Variants in FRAS1 observed in about 807,000 individuals in gnomAD.
FRAS1 encodes extracellular matrix organizing protein FRAS1.
A neutral mutation model predicts 435.2 loss-of-function variants in FRAS1; 290 were observed. The observed-to-expected ratio is 0.67, with a 90% confidence interval of 0.61 to 0.73. The LOEUF is 0.73. Among genes scored for constraint, FRAS1 ranks in the 30% least tolerant of loss-of-function variants. The probability of loss-of-function intolerance (pLI) is 0.00; values close to 1 mark genes in which losing one functional copy is unlikely to be tolerated. For missense variants in FRAS1, 4,860 were observed against 5,001.5 expected (o/e 0.97, Z 0.85); for synonymous variants, 1,800 against 1,851.0 (o/e 0.97, Z 0.71).
rs775217048 is a variant in FRAS1 at position 78,472,177 on chromosome 4, T to C, written c.7372-3T>C. On this transcript the variant is annotated splice_polypyrimidine_tract_variant and splice_region_variant and intron_variant, in intron 51 of 73. Transcript: ENST00000512123. ...AATTAAATTAAATGGGTTTCTATTC[T>C]AGGCAACCAACCTGATCACCAAGAA... 61 of 1,613,680 alleles carry C rather than the reference T, an allele frequency of 3.8e-5. No homozygotes were observed. Among genetic ancestry groups the C allele is most frequent in the Non-Finnish European group, 5.0e-5 (59 of 1,179,736 alleles).
intron 22 of FRAS1, among the ~76,000 whole-genome samples, chr4:78,365,520 G>T (rs552203016): frequency 1.3e-5 from 2 of 152,190 alleles, no homozygotes; most frequent in South Asian, 4.1e-4. Flanking sequence ...AAGTATAGGT[G>T]ACAAAAATAC....
At position 78,308,227 on chromosome 4, in the gene FRAS1, A is replaced by G. The variant is rs1447173618; in HGVS notation, c.1678+18A>G. 1 of 1,609,928 alleles carries G rather than the reference A, an allele frequency of 6.2e-7. No homozygotes were observed. Among genetic ancestry groups the G allele is most frequent in the Non-Finnish European group, 8.5e-7 (1 of 1,177,474 alleles). ...CTGTAGCGGTGAGTGCTGGGTTGCG[A>G]TGCTGACGTGTCCTTTCCTTTTTCT... On this transcript the variant is annotated intron_variant, in intron 15 of 73. Coordinates refer to ENST00000512123, the MANE Select transcript of FRAS1 (RefSeq NM_025074.7).
rs368179692 is a variant in FRAS1 at position 78,341,847 on chromosome 4, C to T, written c.2422+4030C>T. Reference sequence around the variant, plus strand: ...GAGTTGGACATCCCAGAGTGTCTCTCCAGCAGGAGGTTAAACGTATAAATT... The same window carrying T: ...GAGTTGGACATCCCAGAGTGTCTCTTCAGCAGGAGGTTAAACGTATAAATT... On this transcript the variant is annotated intron_variant, in intron 20 of 73. Coordinates refer to ENST00000512123, the MANE Select transcript of FRAS1 (RefSeq NM_025074.7). 3.4e-3 allele frequency among the ~76,000 whole-genome samples: 522 copies of T among 152,196 alleles called. 3 individuals carry two copies. Among genetic ancestry groups the T allele is most frequent in the African/African-American group, 0.012 (510 of 41,516 alleles).
At chr4:78,482,242 G>A in intron 57 of FRAS1, 146 bp from the exon 58 acceptor site, 1 of 911,394 alleles carries the variant, frequency 1.1e-6, no homozygotes. Flanking sequence ...CGAGTGGCAT[G>A]TAATAAAGAG....
chr4:78,282,840 T>C lies in FRAS1; in HGVS notation c.1128T>C (p.Asp376=), dbSNP rs371417185. 25 of 1,613,348 alleles carry C rather than the reference T, an allele frequency of 1.5e-5. No homozygotes were observed. Among genetic ancestry groups the C allele is most frequent in the Non-Finnish European group, 2.1e-5 (25 of 1,179,766 alleles). ...KRIPEGEKWE[D]GPCKVCECRG... ...CGTAGGAGGGAGAGAAGTGGGAAGATGGCCCTTGCAAGGTGTGTGAGTGCC... is the reference window on the plus strand; with the variant it reads ...CGTAGGAGGGAGAGAAGTGGGAAGACGGCCCTTGCAAGGTGTGTGAGTGCC... Residue 376 remains aspartate (D), a synonymous_variant, in exon 12 of 74, where the codon GAT becomes GAC. Coordinates refer to ENST00000512123, the MANE Select transcript of FRAS1 (RefSeq NM_025074.7).
intron 2 of FRAS1, among the ~76,000 whole-genome samples, chr4:78,202,074 A>G (rs1403415388): frequency 6.6e-6 from 1 of 152,198 alleles, no homozygotes. Flanking sequence ...TCTAGTGGGT[A>G]GAAGCAATGG....
chr4:78,191,497 G>A (rs939118735), intron 2 of FRAS1, among the ~76,000 whole-genome samples: 5 of 149,726 alleles, frequency 3.3e-5, no homozygotes, highest in East Asian at 2.0e-4. Flanking sequence ...AAATCTGTTC[G>A]CACTACCAAA....
intron 2 of FRAS1, among the ~76,000 whole-genome samples, chr4:78,067,860 A>ATTTT (rs35606977): frequency 0.11 from 15,241 of 134,094 alleles, 974 homozygotes; most frequent in Middle Eastern, 0.16. Context: ...CACCCAGCCA[A>ATTTT]TTTTTTTTTT....
chr4:78,448,677 G>A (rs1012439526), intron 44 of FRAS1, among the ~76,000 whole-genome samples: 1 of 150,864 alleles, frequency 6.6e-6, no homozygotes, highest in Non-Finnish European at 1.5e-5. Context: ...AACAAATAAC[G>A]AAATATAGCA....
At chr4:78,084,735 G>C (rs1017180889) in intron 2 of FRAS1, among the ~76,000 whole-genome samples, 1 of 152,044 alleles carries the variant, frequency 6.6e-6, no homozygotes, top group African/African-American at 2.4e-5. Context: ...TTTTCAATGA[G>C]CTCTGGTTCC....
At chr4:78,369,795 G>A (rs1161988361) in intron 22 of FRAS1, 43 bp from the exon 23 acceptor site, 1 of 1,573,534 alleles carries the variant, frequency 6.4e-7, no homozygotes, top group East Asian at 2.3e-5. Flanking sequence ...TTCAGTATTT[G>A]CAATTGTAAT....
chr4:78,148,219 A>G (rs1014086602), intron 2 of FRAS1, among the ~76,000 whole-genome samples: 5 of 152,106 alleles, frequency 3.3e-5, no homozygotes, highest in South Asian at 2.1e-4. Flanking sequence ...AGAATCATAT[A>G]CTTTTGGACC....
chr4:78,400,387 A>G (rs932240911), intron 29 of FRAS1, among the ~76,000 whole-genome samples: 2 of 152,192 alleles, frequency 1.3e-5, no homozygotes, highest in African/African-American at 4.8e-5. Context: ...GAGCTGGCAT[A>G]TAATAGGTGC....
intron 2 of FRAS1, among the ~76,000 whole-genome samples, chr4:78,219,406 G>A (rs1723947301): frequency 6.6e-6 from 1 of 152,076 alleles, no homozygotes; most frequent in Non-Finnish European, 1.5e-5. Context: ...ATAAACAGTG[G>A]AAGTAGAACC....
At chr4:78,434,105 T>C (rs1027970050) in intron 38 of FRAS1, among the ~76,000 whole-genome samples, 4 of 152,216 alleles carry the variant, frequency 2.6e-5, no homozygotes, top group African/African-American at 7.2e-5. Flanking sequence ...TTAGAAAGTT[T>C]TCAGTGAACA....
Position 78,526,874 on chromosome 4 carries a change from A to T in FRAS1, c.10925+217A>T, listed in dbSNP as rs1434505779. ...ACTCTGCCTTCTTGTTGCGGCTCTCATACTCCAAACAAGCATCCTATGCAC... is the reference window on the plus strand; with the variant it reads ...ACTCTGCCTTCTTGTTGCGGCTCTCTTACTCCAAACAAGCATCCTATGCAC... On this transcript the variant is annotated intron_variant, in intron 70 of 73. Transcript: ENST00000512123. Among the ~76,000 whole-genome samples the T allele has an allele frequency of 2.6e-5, 4 of 152,122 alleles. No homozygotes were observed. The South Asian group carries it at 8.3e-4, about 31-fold the overall frequency.
intron 55 of FRAS1, among the ~76,000 whole-genome samples, chr4:78,478,518 A>G (rs1290738465): frequency 6.6e-6 from 1 of 152,242 alleles, no homozygotes; most frequent in Non-Finnish European, 1.5e-5. Context: ...ACTATGTGTA[A>G]GAAATAAAGG....
At chr4:78,539,025 T>C (rs775303169) in intron 72 of FRAS1, among the ~76,000 whole-genome samples, 1 of 151,884 alleles carries the variant, frequency 6.6e-6, no homozygotes, top group Non-Finnish European at 1.5e-5. Context: ...TAGAGGTAAC[T>C]GTCACCGTGA....
intron 18 of FRAS1, among the ~76,000 whole-genome samples, chr4:78,331,803 A>G (rs1393661707): frequency 6.6e-6 from 1 of 152,242 alleles, no homozygotes; most frequent in African/African-American, 2.4e-5. Flanking sequence ...GCTCAATGAC[A>G]AATGAATGAT....
Sources: allele counts gnomAD v4.1 joint callset (sites outside exome capture counted in the v4.1 genomes callset), GRCh38; gene constraint gnomAD v4.1.1; transcripts MANE v1.5; gene names NCBI Gene and HGNC (gene_info 2026-07-23, HGNC 2026-07-21).